SCIN: variants seen among roughly 807,000 people sequenced by gnomAD.
The protein encoded by SCIN is adseverin.
In SCIN, 91 loss-of-function variants were observed where a neutral mutation model predicts 91.8. The ratio of observed to expected loss-of-function variants is 0.99; its 90% CI spans 0.84 to 1.18. The LOEUF (loss-of-function observed/expected upper bound fraction) is 1.18. Ranked by LOEUF, SCIN falls within the 50% of genes most tolerant of loss-of-function variation. SCIN has a pLI of 0.00. For missense variants in SCIN, 1,087 were observed against 863.9 expected, an observed-to-expected ratio of 1.26 and a Z score of -3.24; for synonymous variants, 367 against 312.6, an observed-to-expected ratio of 1.17 and a Z score of -1.84.
chr7:12,641,917 A>G (rs1374740745), intron 11 of SCIN, among the ~76,000 whole-genome samples: 1 of 151,970 alleles, frequency 6.6e-6, no homozygotes, highest in East Asian at 1.9e-4. Context: ...CTCCCCTGCA[A>G]CTTTATCAAT....
chr7:12,604,283 C>T (rs1009490261), intron 3 of SCIN, among the ~76,000 whole-genome samples: 4 of 151,968 alleles, frequency 2.6e-5, no homozygotes, highest in African/African-American at 7.3e-5. Context: ...AGATTATATA[C>T]ACAGAGAATG....
At chr7:12,572,191 C>A (rs1261364280) in intron 1 of SCIN, among the ~76,000 whole-genome samples, 1 of 152,240 alleles carries the variant, frequency 6.6e-6, no homozygotes, top group East Asian at 1.9e-4. Context: ...ATGAAAAATA[C>A]GTAGATGAAG....
intron 9 of SCIN, among the ~76,000 whole-genome samples, chr7:12,631,144 C>A (rs559966278): frequency 2.6e-5 from 4 of 152,188 alleles, no homozygotes; most frequent in Non-Finnish European, 5.9e-5. Context: ...TAGAATAAAT[C>A]AGGTTACAAA....
rs1447525332 is a variant in SCIN, at chr7:12,655,599, G to C, written c.*2884G>C. 6.6e-6 allele frequency: 1 copy of C among 152,146 alleles called. No individual in the cohort carries two copies. The allele number at this position is 152,146 out of a possible 1,614,324, so 9.4% of individuals were successfully genotyped here. On this transcript the variant is annotated 3_prime_UTR_variant, in exon 16 of 16. Transcript: ENST00000297029. ...TTAGCAAATGTTAAAATATTAAAAT[G>C]TTAGTGGTCATCAAAATGTAGGGTT... is the stretch of plus-strand genomic sequence containing the variant.
At chr7:12,643,560 C>T (rs1194702980) in intron 11 of SCIN, among the ~76,000 whole-genome samples, 2 of 152,270 alleles carry the variant, frequency 1.3e-5, no homozygotes, top group South Asian at 4.1e-4. Context: ...TTAAAACTTC[C>T]AACAGCCATT....
chr7:12,589,739 T>G (rs999592071), intron 3 of SCIN, among the ~76,000 whole-genome samples: 2 of 152,120 alleles, frequency 1.3e-5, no homozygotes, highest in Admixed American at 1.3e-4. Context: ...TCGTGGGGTT[T>G]TGGGAGGGCC....
At chr7:12,613,516 A>G (rs1179814280) in intron 4 of SCIN, among the ~76,000 whole-genome samples, 1 of 152,170 alleles carries the variant, frequency 6.6e-6, no homozygotes, top group African/African-American at 2.4e-5. Flanking sequence ...TTTGTTTAAT[A>G]TCATGAGGAA....
intron 4 of SCIN, among the ~76,000 whole-genome samples, chr7:12,606,488 C>G (rs1043026340): frequency 6.6e-6 from 1 of 152,110 alleles, no homozygotes; most frequent in Admixed American, 6.6e-5. Flanking sequence ...TGTCTTTAAA[C>G]TTTATTGCTT....
rs1200566246 is a variant in SCIN at position 12,654,379 on chromosome 7, C to G, written c.*1664C>G. On this transcript the variant is annotated 3_prime_UTR_variant, in exon 16 of 16. Transcript: ENST00000297029. ...TTGATTATGACCATGTGACCCAATT[C>G]TGACATTTGCCTAAAGGAAAATTTA... The G allele has an allele frequency of 6.6e-6, 1 of 152,142 alleles. No individual in the cohort carries two copies. Among genetic ancestry groups the G allele is most frequent in the Non-Finnish European group, 1.5e-5 (1 of 68,018 alleles). 9.4% of individuals were successfully genotyped at this position (152,142 alleles called of 1,614,324 possible).
chr7:12,577,570 G>T (rs1262550455), intron 1 of SCIN: 3 of 456,268 alleles, frequency 6.6e-6, no homozygotes, highest in Non-Finnish European at 1.3e-5. Flanking sequence ...ACAAAAACAG[G>T]CCGGGCATGG....
At chr7:12,615,781 C>T (rs1783286987) in intron 4 of SCIN, among the ~76,000 whole-genome samples, 1 of 151,918 alleles carries the variant, frequency 6.6e-6, no homozygotes, top group Non-Finnish European at 1.5e-5. Flanking sequence ...CCTCAGAGTA[C>T]TTGAAAAGCC....
chr7:12,578,960 C>T (rs1421012862), intron 2 of SCIN, among the ~76,000 whole-genome samples: 2 of 120,362 alleles, frequency 1.7e-5, no homozygotes, highest in African/African-American at 7.0e-5. Flanking sequence ...ACTGGCCCTC[C>T]CTTCACCATT....
At chr7:12,582,228 T>C (rs1423392912) in intron 3 of SCIN, among the ~76,000 whole-genome samples, 2 of 152,224 alleles carry the variant, frequency 1.3e-5, no homozygotes, top group African/African-American at 2.4e-5. Context: ...CATTTTGTTT[T>C]ATTGCATCTA....
At chr7:12,582,686 A>C (rs1315969174) in intron 3 of SCIN, among the ~76,000 whole-genome samples, 3 of 152,276 alleles carry the variant, frequency 2.0e-5, no homozygotes, top group African/African-American at 7.2e-5. Context: ...AACAGATTTA[A>C]GTCCTGACTC....
In SCIN at chr7:12,651,886, G is replaced by T; in HGVS notation, c.2005G>T (p.Glu669Ter). 2 of 1,603,348 alleles carry T rather than the reference G, an allele frequency of 1.2e-6. No individual in the cohort carries two copies. The highest frequency in any genetic ancestry group is 1.7e-4 in the Middle Eastern group (1 of 6,048). ...AGATGCTAATGAAGTTGAGAAAAAA[G>T]AATCTCTGAAGTCTGGTAAGCTCAA... ...GKDANEVEKK[E>*]SLKSAKMYLE... is the part of the protein sequence containing the mutation. Residue 669 changes from glutamate to a stop codon, truncating the protein, a stop_gained, in exon 15 of 16, where the codon GAA (glutamate) becomes TAA (stop). Transcript: ENST00000297029. LOFTEE classifies it high-confidence loss of function. The surrounding 1 kb of genome is among the most constrained non-coding windows in gnomAD (Gnocchi z 5.9).
At chr7:12,652,338 T>C (rs1376168124) in intron 15 of SCIN, among the ~76,000 whole-genome samples, 2 of 143,096 alleles carry the variant, frequency 1.4e-5, no homozygotes, top group Non-Finnish European at 3.1e-5. Context: ...ATTAATGAGA[T>C]TCACATGTTG....
chr7:12,628,540 A>G (rs1409631221), intron 8 of SCIN, among the ~76,000 whole-genome samples: 2 of 152,144 alleles, frequency 1.3e-5, no homozygotes, highest in East Asian at 3.9e-4. Context: ...CTCATGACCT[A>G]ATTACCTCCC....
chr7:12,578,909 G>GTTTTTTTTTTTTTTTTTTT lies in SCIN; in HGVS notation c.354+706_354+707insTTTTTTTTTTTTTTTTTTT. ...TAAGGCAGCCTTCAGTATAGGACAG[G>GTTTTTTTTTTTTTTTTTTT]TTTTTTTTTTTTTTTGGCATCCTCC... On this transcript the variant is annotated intron_variant, in intron 2 of 15. Coordinates refer to ENST00000297029, the MANE Select transcript of SCIN (RefSeq NM_001112706.3). Among the ~76,000 whole-genome samples, 58 of 85,872 alleles carry GTTTTTTTTTTTTTTTTTTT rather than the reference G, an allele frequency of 6.8e-4. 8 individuals carry two copies. Among genetic ancestry groups the GTTTTTTTTTTTTTTTTTTT allele is most frequent in the African/African-American group, 1.9e-3 (36 of 19,420 alleles). The allele number at this position is 85,872 out of a possible 152,430, so 56.3% of individuals were successfully genotyped here.
At chr7:12,610,813 G>C (rs1783175301) in intron 4 of SCIN, among the ~76,000 whole-genome samples, 1 of 152,120 alleles carries the variant, frequency 6.6e-6, no homozygotes, top group African/African-American at 2.4e-5. Flanking sequence ...CAGGTCTTGA[G>C]CTTATTTATA....
Sources: gnomAD v4.1 joint callset for allele counts (sites outside exome capture counted in the v4.1 genomes callset) on GRCh38, gnomAD v4.1.1 for gene constraint, Gnocchi (gnomAD v3.1) non-coding constraint, MANE v1.5 for transcripts, NCBI Gene and HGNC (gene_info 2026-07-23, HGNC 2026-07-21) for gene names.